SRGAP3: variants seen among roughly 807,000 people sequenced by gnomAD.
SRGAP3 encodes the protein SLIT-ROBO Rho GTPase-activating protein 3.
A neutral mutation model predicts 121.1 loss-of-function variants in SRGAP3; 39 were observed. The ratio of observed to expected loss-of-function variants is 0.32; its 90% CI spans 0.25 to 0.42. The LOEUF (loss-of-function observed/expected upper bound fraction) is 0.42, where lower values mean the gene tolerates loss of function less well. Ranked by LOEUF, SRGAP3 falls within the 10% of genes least tolerant of loss-of-function variation. The pLI is 1.00. For missense variants in SRGAP3, 1,213 were observed against 1,470.6 expected (o/e 0.82, Z 2.86); for synonymous variants, 601 against 570.0 (o/e 1.05, Z -0.77).
At chr3:9,196,508 T>A (rs1468568526) in intron 1 of SRGAP3, among the ~76,000 whole-genome samples, 1 of 152,258 alleles carries the variant, frequency 6.6e-6, no homozygotes, top group Non-Finnish European at 1.5e-5. Flanking sequence ...TTTGCTCTTA[T>A]TTTTGCTTTT....
rs1009892038 is a variant in SRGAP3, at chr3:8,985,404, G to C, written c.*115C>G. 11 of 1,525,106 alleles carry C rather than the reference G, an allele frequency of 7.2e-6. No homozygotes were observed. The highest frequency in any genetic ancestry group is 7.0e-6 in the Non-Finnish European group (8 of 1,143,216). 94.5% of individuals were successfully genotyped at this position (1,525,106 alleles called of 1,614,324 possible). A position where few individuals can be genotyped will look rare whatever the true frequency, so the allele number is the denominator to read the frequency against. ...AGCTCTGCACAGACACACCCTCCCA[G>C]ACGGACCTCTGCCCTCCAAGGCCAG... On this transcript the variant is annotated 3_prime_UTR_variant, in exon 22 of 22. Coordinates refer to ENST00000383836, the MANE Select transcript of SRGAP3 (RefSeq NM_014850.4). This position sits in a 1 kb window ranked among gnomAD's most constrained non-coding sequence, Gnocchi z 5.1.
At chr3:9,332,253 G>T (rs1043653751) in intron 1 of SRGAP3, among the ~76,000 whole-genome samples, 1 of 152,122 alleles carries the variant, frequency 6.6e-6, no homozygotes, top group Non-Finnish European at 1.5e-5. Context: ...CTGAATAGCT[G>T]GGATTACAGG....
intron 4 of SRGAP3, among the ~76,000 whole-genome samples, chr3:9,064,864 TAAA>T (rs1946352488): frequency 2.2e-5 from 1 of 45,576 alleles, no homozygotes; most frequent in Non-Finnish European, 6.2e-5. Context: ...AAAATAATAA[TAAA>T]TAAATAAATA....
chr3:9,231,804 A>ACAC (rs1300295850), intron 1 of SRGAP3, among the ~76,000 whole-genome samples: 1 of 152,202 alleles, frequency 6.6e-6, no homozygotes, highest in Non-Finnish European at 1.5e-5. Context: ...ACTTTCTCAC[A>ACAC]CACCACCTCA....
chr3:9,027,040 C>A (rs1209820607), intron 12 of SRGAP3, 45 bp from the exon 13 acceptor site: 1 of 1,577,534 alleles, frequency 6.3e-7, no homozygotes. Flanking sequence ...TTGACAACCA[C>A]CACAGGAAAA....
intron 1 of SRGAP3, among the ~76,000 whole-genome samples, chr3:9,175,962 C>A (rs1951164295): frequency 6.6e-6 from 1 of 152,178 alleles, no homozygotes; most frequent in Non-Finnish European, 1.5e-5. Flanking sequence ...CACTCTGTCA[C>A]CCAGGCTGGA....
chr3:9,061,975 T>G (rs1946195850), intron 5 of SRGAP3, among the ~76,000 whole-genome samples: 1 of 152,250 alleles, frequency 6.6e-6, no homozygotes, highest in Admixed American at 6.5e-5. Flanking sequence ...CTAGACATTC[T>G]TACACCTTCC....
intron 10 of SRGAP3, among the ~76,000 whole-genome samples, chr3:9,045,305 C>T (rs745923401): frequency 7.9e-5 from 12 of 152,038 alleles, no homozygotes; most frequent in Admixed American, 3.9e-4. Context: ...CACAGGATTA[C>T]GGAGACTCTT....
At chr3:9,269,469 C>G (rs748238738) in intron 3 of SRGAP3, among the ~76,000 whole-genome samples, 5 of 152,236 alleles carry the variant, frequency 3.3e-5, no homozygotes, top group Non-Finnish European at 7.4e-5. Context: ...CCCACCTAGA[C>G]TCCTCAAGAC....
In SRGAP3 at chr3:9,156,209, G is replaced by C. The variant is rs906302252; in HGVS notation, c.68-31292C>G. Among the ~76,000 whole-genome samples, 9 of 152,244 alleles carry C rather than the reference G, an allele frequency of 5.9e-5. No individual in the cohort carries two copies. The South Asian group carries it at 1.9e-3, about 31-fold the overall frequency. The stretch of plus-strand genomic sequence containing the variant: ...GCTTATTTCTTATCATCAGAAGTGA[G>C]TTTGGGAGGGTGTCAGGAGGGTTTT... On this transcript the variant is annotated intron_variant, in intron 1 of 21. Transcript: ENST00000383836.
At chr3:9,184,641 C>T (rs1951539124) in intron 1 of SRGAP3, among the ~76,000 whole-genome samples, 1 of 152,122 alleles carries the variant, frequency 6.6e-6, no homozygotes, top group Non-Finnish European at 1.5e-5. Flanking sequence ...GGGAATTAGG[C>T]AGAGCCACTC....
chr3:9,048,379 C>G (rs1945391203), intron 9 of SRGAP3, among the ~76,000 whole-genome samples: 2 of 152,380 alleles, frequency 1.3e-5, no homozygotes, highest in East Asian at 3.9e-4. Flanking sequence ...GTGCCTAAAG[C>G]TGTGACTGGC....
At chr3:9,063,273 C>G (rs1344645164) in intron 5 of SRGAP3, among the ~76,000 whole-genome samples, 2 of 151,810 alleles carry the variant, frequency 1.3e-5, no homozygotes, top group Non-Finnish European at 2.9e-5. Context: ...GGACTACAGG[C>G]ACATGCCACC....
At chr3:9,140,566 G>C (rs1949812492) in intron 1 of SRGAP3, among the ~76,000 whole-genome samples, 1 of 152,080 alleles carries the variant, frequency 6.6e-6, no homozygotes, top group Non-Finnish European at 1.5e-5. Flanking sequence ...TTCCACAAGG[G>C]GCCAGATAGT....
chr3:9,266,100 T>C (rs1037326996), intron 3 of SRGAP3, among the ~76,000 whole-genome samples: 1 of 152,142 alleles, frequency 6.6e-6, no homozygotes, highest in African/African-American at 2.4e-5. Flanking sequence ...GAAACCATCA[T>C]TCTCAGCAAA....
intron 3 of SRGAP3, among the ~76,000 whole-genome samples, chr3:9,261,151 A>G (rs1052266807): frequency 6.6e-6 from 1 of 152,210 alleles, no homozygotes; most frequent in Non-Finnish European, 1.5e-5. Context: ...CAATAGCATC[A>G]ACATCAACAA....
chr3:9,352,027 C>T (rs745562763), intron 1 of SRGAP3, among the ~76,000 whole-genome samples: 1 of 152,280 alleles, frequency 6.6e-6, no homozygotes, highest in Non-Finnish European at 1.5e-5. Flanking sequence ...CAACAGACAA[C>T]CTGGAACCAG....
At chr3:8,990,213 C>T (rs1438305037) in intron 21 of SRGAP3, among the ~76,000 whole-genome samples, 2 of 152,192 alleles carry the variant, frequency 1.3e-5, no homozygotes, top group Non-Finnish European at 2.9e-5. Context: ...AAAACTGAAT[C>T]GTATCATTTT....
intron 1 of SRGAP3, among the ~76,000 whole-genome samples, chr3:9,236,706 T>C (rs1953424361): frequency 6.6e-6 from 1 of 152,200 alleles, no homozygotes; most frequent in African/African-American, 2.4e-5. Context: ...ATGCTTCCCG[T>C]ACAGCCTGTG....
Sources: gnomAD v4.1 joint callset for allele counts (sites outside exome capture counted in the v4.1 genomes callset) on GRCh38, gnomAD v4.1.1 for gene constraint, Gnocchi (gnomAD v3.1) non-coding constraint, MANE v1.5 for transcripts, NCBI Gene and HGNC (gene_info 2026-07-23, HGNC 2026-07-21) for gene names.